Variants in FRMPD4 observed in about 807,000 individuals in gnomAD.
The protein encoded by FRMPD4 is FERM and PDZ domain containing 4, also known as FERM and PDZ domain-containing protein 4.
In FRMPD4, 22 loss-of-function variants were observed where a neutral mutation model predicts 94.1. The ratio of observed to expected loss-of-function variants is 0.23; its 90% CI spans 0.17 to 0.33. The LOEUF (loss-of-function observed/expected upper bound fraction) is 0.33, where lower values mean the gene tolerates loss of function less well. FRMPD4 is among the 10% of genes least tolerant of loss of function. The pLI is 1.00. For missense variants in FRMPD4, 1,111 were observed against 1,339.9 expected (o/e 0.83, Z 2.67); for synonymous variants, 631 against 548.6 (o/e 1.15, Z -2.10).
At position 12,272,438 on chromosome X, in the gene FRMPD4, G is replaced by A. The variant is rs183746028; in HGVS notation, c.41+133426G>A. On this transcript the variant is annotated intron_variant, in intron 1 of 16. Transcript: ENST00000675598. Reference sequence around the variant, plus strand: ...AGTGGAGGGTGACCAGGGAGAGGACGGGAGGCTGAGAGTGAAGATTGGAAT... The same window carrying A: ...AGTGGAGGGTGACCAGGGAGAGGACAGGAGGCTGAGAGTGAAGATTGGAAT... Among the ~76,000 whole-genome samples the A allele has an allele frequency of 2.9e-4, 32 of 111,681 alleles. No homozygotes were observed. The East Asian group carries it at 8.4e-3, about 29-fold the overall frequency.
At chrX:12,645,904 C>T (rs2059543935) in intron 4 of FRMPD4, among the ~76,000 whole-genome samples, 1 of 112,198 alleles carries the variant, frequency 8.9e-6, no homozygotes, top group South Asian at 3.7e-4. Flanking sequence ...TGAGATTAAG[C>T]TTCCATTTGA....
chrX:12,578,330 G>C (rs974390827), intron 2 of FRMPD4, among the ~76,000 whole-genome samples: 1 of 112,137 alleles, frequency 8.9e-6, no homozygotes, highest in Non-Finnish European at 1.9e-5. Flanking sequence ...AGATTGCAGT[G>C]AGATCTTTCT....
intron 1 of FRMPD4, among the ~76,000 whole-genome samples, chrX:12,310,947 T>G (rs1232207615): frequency 8.9e-6 from 1 of 112,776 alleles, no homozygotes; most frequent in Non-Finnish European, 1.9e-5. Context: ...TAATCTGACT[T>G]TATCTTATAA....
intron 3 of FRMPD4, among the ~76,000 whole-genome samples, chrX:11,923,304 G>A (rs1034908257): frequency 8.9e-6 from 1 of 112,008 alleles, no homozygotes; most frequent in Non-Finnish European, 1.9e-5. Context: ...CACTAACACT[G>A]TGCAGAGAAC....
intron 2 of FRMPD4, among the ~76,000 whole-genome samples, chrX:12,526,956 AAGCCCT>A (rs1217294011): frequency 2.7e-5 from 3 of 111,605 alleles, no homozygotes; most frequent in Non-Finnish European, 5.7e-5. Context: ...CCAGGAGTCT[AAGCCCT>A]AGAATTACAA....
chrX:11,832,607 C>T lies in FRMPD4; in HGVS notation c.-161+9892C>T, dbSNP rs182484876. The stretch of plus-strand genomic sequence containing the variant: ...TTGAAGAGGTCATTTGATTCACTTT[C>T]TACCAAATAAATATGTCCCTTCTAC... On this transcript the variant is annotated intron_variant, in intron 1 of 18. Coordinates refer to the FRMPD4 transcript ENST00000640291. Among the ~76,000 whole-genome samples, 958 of 111,940 alleles carry T rather than the reference C, an allele frequency of 8.6e-3. 1 individual carries two copies. Among genetic ancestry groups the T allele is most frequent in the Non-Finnish European group, 0.015 (785 of 53,104 alleles).
intron 1 of FRMPD4, among the ~76,000 whole-genome samples, chrX:12,172,676 T>C: frequency 9.1e-6 from 1 of 109,665 alleles, no homozygotes; most frequent in Admixed American, 9.7e-5. Flanking sequence ...GCAGGAGGAG[T>C]AGAAGGGAGA....
intron 2 of FRMPD4, among the ~76,000 whole-genome samples, chrX:12,519,048 G>A (rs960686205): frequency 4.5e-5 from 5 of 112,151 alleles, no homozygotes; most frequent in African/African-American, 1.6e-4. Context: ...AAGTAAAGAC[G>A]ACAAAAATAA....
At chrX:12,025,586 A>C (rs975035642) in intron 3 of FRMPD4, among the ~76,000 whole-genome samples, 2 of 111,635 alleles carry the variant, frequency 1.8e-5, no homozygotes, top group Admixed American at 1.9e-4. Context: ...ATGGGATGCC[A>C]CTTCCAAGAT....
intron 3 of FRMPD4, among the ~76,000 whole-genome samples, chrX:11,882,608 G>T (rs1246387900): frequency 9.0e-6 from 1 of 111,559 alleles, no homozygotes; most frequent in Non-Finnish European, 1.9e-5. Context: ...AAAATATTGT[G>T]TAAAATTACC....
intron 3 of FRMPD4, among the ~76,000 whole-genome samples, chrX:11,961,773 A>G (rs763840739): frequency 9.0e-6 from 1 of 110,906 alleles, no homozygotes; most frequent in African/African-American, 3.3e-5. Flanking sequence ...CCAGCTCAAC[A>G]GTCACCTTTC....
At chrX:12,713,086 A>AAG (rs2042015817) in intron 14 of FRMPD4, among the ~76,000 whole-genome samples, 1 of 82,750 alleles carries the variant, frequency 1.2e-5, no homozygotes. Flanking sequence ...CTGTGTCTAA[A>AAG]AGAAAAAAAA....
intron 3 of FRMPD4, among the ~76,000 whole-genome samples, chrX:12,104,773 A>C (rs1423826382): frequency 2.7e-5 from 3 of 112,013 alleles, no homozygotes; most frequent in Non-Finnish European, 5.6e-5. Flanking sequence ...CTTATGAAAT[A>C]GATGTAACTG....
At chrX:11,894,593 G>C (rs1004789007) in intron 3 of FRMPD4, among the ~76,000 whole-genome samples, 3 of 112,162 alleles carry the variant, frequency 2.7e-5, no homozygotes, top group African/African-American at 9.7e-5. Context: ...CGGTTTCTCT[G>C]GGGCTGGGAT....
At chrX:12,404,602 C>G (rs143070283) in intron 1 of FRMPD4, among the ~76,000 whole-genome samples, 85 of 112,256 alleles carry the variant, frequency 7.6e-4, no homozygotes, top group African/African-American at 2.5e-3. Context: ...TTGGGTATCA[C>G]ATCTTATCTC....
intron 1 of FRMPD4, among the ~76,000 whole-genome samples, chrX:12,362,328 G>T (rs1465071499): frequency 1.8e-5 from 2 of 110,379 alleles, no homozygotes; most frequent in Non-Finnish European, 3.8e-5. Flanking sequence ...TTTACATTAG[G>T]TATATCTCCT....
chrX:12,646,060 G>C (rs1261582541), intron 4 of FRMPD4, among the ~76,000 whole-genome samples: 1 of 112,186 alleles, frequency 8.9e-6, no homozygotes, highest in Non-Finnish European at 1.9e-5. Context: ...GATAGATAAG[G>C]AATTAGTCTA....
chrX:12,415,278 C>T (rs2056785821), intron 1 of FRMPD4, among the ~76,000 whole-genome samples: 1 of 111,806 alleles, frequency 8.9e-6, no homozygotes, highest in African/African-American at 3.3e-5. Context: ...CTGAGCATCT[C>T]TGGAGGTGGC....
intron 1 of FRMPD4, among the ~76,000 whole-genome samples, chrX:12,279,465 G>T (rs1307586489): frequency 8.9e-6 from 1 of 112,299 alleles, no homozygotes; most frequent in African/African-American, 3.2e-5. Context: ...TGGATAGAAG[G>T]CTGCCTGCTT....
Sources: allele counts gnomAD v4.1 joint callset (sites outside exome capture counted in the v4.1 genomes callset), GRCh38; gene constraint gnomAD v4.1.1; transcripts MANE v1.5; gene names NCBI Gene and HGNC (gene_info 2026-07-23, HGNC 2026-07-21).